Variants in CHRNG observed in about 807,000 individuals in gnomAD.
CHRNG encodes the protein acetylcholine receptor subunit gamma.
Under a neutral mutation model 65.2 loss-of-function variants are expected in CHRNG, and 72 were observed. The observed-to-expected ratio is 1.10, with a 90% confidence interval of 0.91 to 1.34. CHRNG has a LOEUF of 1.34. Ranked by LOEUF, CHRNG falls within the 40% of genes most tolerant of loss-of-function variation. CHRNG has a pLI of 0.00. For missense variants in CHRNG, 637 were observed against 680.1 expected (o/e 0.94, Z 0.70); for synonymous variants, 284 against 290.2 (o/e 0.98, Z 0.22).
At position 232,544,668 on chromosome 2, in the gene CHRNG, G is replaced by A. The variant is rs1214489949; in HGVS notation, c.1249+88G>A. ...CACAGCAGATGAGTGCTGGAGAAGT[G>A]CCCAGGTCAGGGAGAGAGGAGCTGG... is the stretch of plus-strand genomic sequence containing the variant. On this transcript the variant is annotated intron_variant, in intron 10 of 11. Transcript: ENST00000651502. The A allele has an allele frequency of 3.2e-6, 5 of 1,564,526 alleles. No homozygotes were observed. In the African/African-American group the frequency reaches 5.4e-5, roughly 17 times the overall value.
In CHRNG at chr2:232,540,167, C is replaced by G. The variant is rs113658634; in HGVS notation, c.195+36C>G. The G allele has an allele frequency of 1.2e-6, 2 of 1,613,968 alleles. No homozygotes were observed. Among genetic ancestry groups the G allele is most frequent in the Non-Finnish European group, 1.7e-6 (2 of 1,179,986 alleles). On this transcript the variant is annotated intron_variant, in intron 2 of 11. Coordinates refer to ENST00000651502, the MANE Select transcript of CHRNG (RefSeq NM_005199.5). The surrounding 1 kb of genome is among the most constrained non-coding windows in gnomAD (Gnocchi z 4.2). ...GGACGGAGGAGGGGTCAGCGCACCACGCCCTGGGACCTGCTGGGGATAGCA... is the reference window on the plus strand; with the variant it reads ...GGACGGAGGAGGGGTCAGCGCACCAGGCCCTGGGACCTGCTGGGGATAGCA...
At chr2:232,543,487 C>CCCT in intron 8 of CHRNG, 98 bp downstream of exon 8, 1 of 1,182,238 alleles carries the variant, frequency 8.5e-7, no homozygotes, top group Non-Finnish European at 1.2e-6. Flanking sequence ...TCCACCCCCC[C>CCCT]CATCCTCAAT....
chr2:232,545,487 C>T (rs1692111223), intron 11 of CHRNG, 56 bp from the exon 12 acceptor site: 8 of 1,498,950 alleles, frequency 5.3e-6, no homozygotes, highest in East Asian at 4.7e-5. Context: ...GAGAACAGGA[C>T]CCAGGGAAGA....
Position 232,547,683 on chromosome 2 carries a change from C to T in CHRNG, c.*1967C>T, listed in dbSNP as rs1692156697. On this transcript the variant is annotated 3_prime_UTR_variant, in exon 12 of 12. Transcript: ENST00000651502. ...AGGAGTTAGGGAGAGTGGGGGAGAA[C>T]TTCAATCAGGGAGGGAATCTGATGA... 6.6e-6 allele frequency among the ~76,000 whole-genome samples: 1 copy of T among 152,178 alleles called. No individual in the cohort carries two copies. Among genetic ancestry groups the T allele is most frequent in the Non-Finnish European group, 1.5e-5 (1 of 68,032 alleles).
rs1692087190 is a variant in CHRNG at position 232,544,591 on chromosome 2, C to A, written c.1249+11C>A. ...CGCTGGAGAAGCTAGGTGAGACACA[C>A]CAGGTGTGCCTGGGGACAGTCCTCC... On this transcript the variant is annotated intron_variant, in intron 10 of 11. Coordinates refer to ENST00000651502, the MANE Select transcript of CHRNG (RefSeq NM_005199.5). 1.9e-6 allele frequency: 3 copies of A among 1,608,004 alleles called. No homozygotes were observed. Among genetic ancestry groups the A allele is most frequent in the African/African-American group, 1.3e-5 (1 of 74,800 alleles).
In CHRNG at chr2:232,542,937, G is replaced by A. The variant is rs200224934; in HGVS notation, c.660G>A (p.Ala220=). 114 of 1,614,118 alleles carry A rather than the reference G, an allele frequency of 7.1e-5. 1 individual carries two copies. Among genetic ancestry groups the A allele is most frequent in the East Asian group, 1.1e-4 (5 of 44,862 alleles). ...CAGCCAAGATGCTCCTGGACCCAGC[G>A]GCGCCAGCCCAGGAAGCAGGCCACC... is the stretch of plus-strand genomic sequence containing the variant. ...HRPAKMLLDP[A]APAQEAGHQK... is the part of the protein sequence containing the mutation. Residue 220 remains alanine (A), a synonymous_variant, in exon 7 of 12, where the codon GCG becomes GCA. Coordinates refer to ENST00000651502, the MANE Select transcript of CHRNG (RefSeq NM_005199.5).
In CHRNG at chr2:232,540,224, G is replaced by A; in HGVS notation, c.195+93G>A. 6.2e-7 allele frequency: 1 copy of A among 1,609,050 alleles called. No homozygotes were observed. Among genetic ancestry groups the A allele is most frequent in the Middle Eastern group, 1.7e-4 (1 of 6,056 alleles). The stretch of plus-strand genomic sequence containing the variant: ...GGCTCCAGCCACCAAGAGGTTGGAG[G>A]GCCCTAAATCGGACAGGCTGGGGTC... On this transcript the variant is annotated intron_variant, in intron 2 of 11. Coordinates refer to ENST00000651502, the MANE Select transcript of CHRNG (RefSeq NM_005199.5). The surrounding 1 kb of genome is among the most constrained non-coding windows in gnomAD (Gnocchi z 4.2).
rs1692152369 is a variant in CHRNG at position 232,547,425 on chromosome 2, T to A, written c.*1709T>A. ...CAGTAAGACCCTGTCTCAAAAAAAA[T>A]AAAAAAATTACAAAACTGAAAAAAG... On this transcript the variant is annotated 3_prime_UTR_variant, in exon 12 of 12. Coordinates refer to ENST00000651502, the MANE Select transcript of CHRNG (RefSeq NM_005199.5). 6.6e-6 allele frequency among the ~76,000 whole-genome samples: 1 copy of A among 151,592 alleles called. No homozygotes were observed. Among genetic ancestry groups the A allele is most frequent in the African/African-American group, 2.4e-5 (1 of 41,200 alleles).
Position 232,541,777 on chromosome 2 carries a change from G to C in CHRNG, c.506+248G>C, listed in dbSNP as rs754103811. ...AGTTTCCTCACCTGTGCTCCAAGGG[G>C]AGACATTCACGCCTGGGGTGCGTGG... On this transcript the variant is annotated intron_variant, in intron 5 of 11. Coordinates refer to ENST00000651502, the MANE Select transcript of CHRNG (RefSeq NM_005199.5). This position sits in a 1 kb window ranked among gnomAD's most constrained non-coding sequence, Gnocchi z 4.0. 2 of 584,990 alleles carry C rather than the reference G, an allele frequency of 3.4e-6. No homozygotes were observed. The highest frequency in any genetic ancestry group is 4.0e-5 in the South Asian group (2 of 50,206). 36.2% of individuals were successfully genotyped at this position (584,990 alleles called of 1,614,324 possible).
rs1439870348 is a variant in CHRNG, at chr2:232,545,745, A to G, written c.*29A>G. On this transcript the variant is annotated 3_prime_UTR_variant, in exon 12 of 12. Transcript: ENST00000651502. The stretch of plus-strand genomic sequence containing the variant: ...AACCAACCACTGTGGGGCATGTGGG[A>G]GTCACACACGTGGGTCACACTGAGT... 1.1e-5 allele frequency: 18 copies of G among 1,612,312 alleles called. No homozygotes were observed. In the East Asian group the frequency reaches 4.0e-4, roughly 36 times the overall value.
chr2:232,541,591 G>C lies in CHRNG; in HGVS notation c.506+62G>C. Reference sequence around the variant, plus strand: ...TCTCAGAGGGGCCTGGGCAGTGGTGGGGTAAGGCCTGGGCAAGGCTTCTGG... The same window carrying C: ...TCTCAGAGGGGCCTGGGCAGTGGTGCGGTAAGGCCTGGGCAAGGCTTCTGG... On this transcript the variant is annotated intron_variant, in intron 5 of 11. Coordinates refer to ENST00000651502, the MANE Select transcript of CHRNG (RefSeq NM_005199.5). The surrounding 1 kb of genome is among the most constrained non-coding windows in gnomAD (Gnocchi z 4.0). The C allele has an allele frequency of 6.3e-7, 1 of 1,594,306 alleles. No individual in the cohort carries two copies. Among genetic ancestry groups the C allele is most frequent in the South Asian group, 1.1e-5 (1 of 90,870 alleles).
intron 9 of CHRNG, 38 bp downstream of exon 9, chr2:232,543,737 C>A: frequency 7.9e-7 from 1 of 1,266,210 alleles, no homozygotes; most frequent in Non-Finnish European, 1.2e-6. Context: ...ATCCCGCTGC[C>A]CACTCCCCTA....
Position 232,544,799 on chromosome 2 carries a change from AG to A in CHRNG, c.1278del (p.Gln426HisfsTer6). On this transcript the variant is annotated frameshift_variant, in exon 11 of 12. Transcript: ENST00000651502. LOFTEE classifies it high-confidence loss of function. ...LEKGPELGLSQFCGSLKQAAP... is the reference protein window; with the variant it reads ...LEKGPELGLSXFCGSLKQAAP... ...AAAGGCCCGGAGTTAGGGCTGAGCC[AG>A]TTCTGTGGCAGCCTGAAGCAGGCTG... is the stretch of plus-strand genomic sequence containing the variant. 1 of 1,614,018 alleles carries A rather than the reference AG, an allele frequency of 6.2e-7. No individual in the cohort carries two copies. The highest frequency in any genetic ancestry group is 8.5e-7 in the Non-Finnish European group (1 of 1,179,996).
chr2:232,543,333 C>A lies in CHRNG; in HGVS notation c.864C>A (p.Leu288=). The change falls in exon 8 of 12, where the codon CTC becomes CTA. Residue 288 remains leucine (L), a synonymous_variant. Coordinates refer to ENST00000651502, the MANE Select transcript of CHRNG (RefSeq NM_005199.5). ...TGCTCCTGGCCCAGACTGTCTTCCT[C>A]TTCCTTGTGGCCAAGAAGGTGCCTG... ...INVLLAQTVF[L]FLVAKKVPET... is the part of the protein sequence containing the mutation. 1.9e-6 allele frequency: 3 copies of A among 1,614,190 alleles called. No homozygotes were observed. Among genetic ancestry groups the A allele is most frequent in the South Asian group, 1.1e-5 (1 of 91,086 alleles).
chr2:232,539,795 C>T lies in CHRNG; in HGVS notation c.48C>T (p.Val16=). 1 of 1,613,908 alleles carries T rather than the reference C, an allele frequency of 6.2e-7. No homozygotes were observed. The highest frequency in any genetic ancestry group is 8.5e-7 in the Non-Finnish European group (1 of 1,179,996). ...TGCTCCTCCTGCTGCTGCTGGCTGT[C>T]TGCCTGGGTGGGACACAAAGGAATC... ...GPLLLLLLLA[V]CLGAQGRNQE... is the part of the protein sequence containing the mutation. The change falls in exon 1 of 12, where the codon GTC becomes GTT. Residue 16 remains valine (V), a synonymous_variant. Coordinates refer to ENST00000651502, the MANE Select transcript of CHRNG (RefSeq NM_005199.5).
rs34697564 is a variant in CHRNG, at chr2:232,543,480, A to ACC, written c.920+98_921-97dup. 0.017 allele frequency: 18,965 copies of ACC among 1,099,696 alleles called. 68 individuals carry two copies. The highest frequency in any genetic ancestry group is 0.039 in the South Asian group (2,949 of 74,852). 68.1% of individuals were successfully genotyped at this position (1,099,696 alleles called of 1,614,324 possible). Reference sequence around the variant, plus strand: ...TGCATTGCCCTCTTGCCCTCCATCCACCCCCCCCATCCTCAATTCAGGAGG... The same window carrying ACC: ...TGCATTGCCCTCTTGCCCTCCATCCACCCCCCCCCCATCCTCAATTCAGGAGG... On this transcript the variant is annotated intron_variant, in intron 8 of 11. Transcript: ENST00000651502.
Position 232,545,993 on chromosome 2 carries a change from T to G in CHRNG, c.*277T>G. On this transcript the variant is annotated 3_prime_UTR_variant, in exon 12 of 12. Transcript: ENST00000651502. ...CCAGCCACCCCTCCACTCAGTGCAC[T>G]CCCCTCACTTAGGCAAAGCATTATT... 5.4e-6 allele frequency: 3 copies of G among 556,460 alleles called. No homozygotes were observed. The highest frequency in any genetic ancestry group is 3.2e-5 in the East Asian group (1 of 31,030). The allele number at this position is 556,460 out of a possible 1,614,324, so 34.5% of individuals were successfully genotyped here.
rs915025108 is a variant in CHRNG, at chr2:232,539,756, G to C, written c.9G>C (p.Gly3=). 3 of 1,613,936 alleles carry C rather than the reference G, an allele frequency of 1.9e-6. No individual in the cohort carries two copies. The highest frequency in any genetic ancestry group is 1.7e-5 in the Admixed American group (1 of 60,026). ...CAGAGAGCTGAGGCACCATGCATGG[G>C]GGCCAGGGGCCGCTGCTCCTCCTGC... MH[G]GQGPLLLLLL... Residue 3 remains glycine, a synonymous_variant, in exon 1 of 12, where the codon GGG becomes GGC. Coordinates refer to ENST00000651502, the MANE Select transcript of CHRNG (RefSeq NM_005199.5).
Position 232,544,405 on chromosome 2 carries a change from C to A in CHRNG, c.1074C>A (p.His358Gln). Residue 358 changes from histidine to glutamine, a missense_variant, in exon 10 of 12, where the codon CAC becomes CAA. Physicochemically the swap from His to Gln is conservative, Grantham distance 24 (BLOSUM62 0). Transcript: ENST00000651502. The part of the protein sequence containing the change: ...LRLLPQLLRM[H>Q]VRPLAPAAVQ... Reference sequence around the variant, plus strand: ...TCTTGCCCCAGCTGCTGAGGATGCACGTTCGCCCGCTGGCCCCGGCAGCTG... The same window carrying A: ...TCTTGCCCCAGCTGCTGAGGATGCAAGTTCGCCCGCTGGCCCCGGCAGCTG... The A allele has an allele frequency of 6.2e-7, 1 of 1,613,536 alleles. No individual in the cohort carries two copies. The highest frequency in any genetic ancestry group is 1.1e-5 in the South Asian group (1 of 91,088).
Sources: allele counts gnomAD v4.1 joint callset (sites outside exome capture counted in the v4.1 genomes callset), GRCh38; gene constraint gnomAD v4.1.1; non-coding constraint Gnocchi (gnomAD v3.1); transcripts MANE v1.5; gene names NCBI Gene and HGNC (gene_info 2026-07-23, HGNC 2026-07-21).